The following LCORL variants were observed in gnomAD, a reference collection of about 807,000 sequenced individuals.
LCORL encodes the protein ligand dependent nuclear receptor corepressor like.
A neutral mutation model predicts 141.8 loss-of-function variants in LCORL; 41 were observed. That is an observed-to-expected ratio of 0.29 (90% CI 0.23 to 0.38). The LOEUF is 0.38. Among genes scored for constraint, LCORL ranks in the 10% least tolerant of loss-of-function variants. The probability of loss-of-function intolerance (pLI) is 1.00; values close to 1 mark genes in which losing one functional copy is unlikely to be tolerated. For synonymous variants in LCORL, 618 were observed against 694.1 expected, an observed-to-expected ratio of 0.89 and a Z score of 1.72; for missense variants, 1,759 against 2,035.0, an observed-to-expected ratio of 0.86 and a Z score of 2.61.
At chr4:17,914,581 C>G (rs989811105) in intron 4 of LCORL, among the ~76,000 whole-genome samples, 2 of 152,198 alleles carry the variant, frequency 1.3e-5, no homozygotes, top group African/African-American at 2.4e-5. Context: ...AAAGAGAATG[C>G]TTCTCAGCTG....
At chr4:18,010,414 A>G (rs903438810) in intron 1 of LCORL, among the ~76,000 whole-genome samples, 5 of 149,422 alleles carry the variant, frequency 3.3e-5, no homozygotes, top group Admixed American at 6.7e-5. Flanking sequence ...GTGTGTGTGT[A>G]TATATATATG....
At chr4:17,876,550 T>C in exon 7 of LCORL, 1 of 1,230,976 alleles carries the variant, frequency 8.1e-7, no homozygotes, top group Non-Finnish European at 1.0e-6. Flanking sequence ...TCAATGTGAA[T>C]ATTTTTCACT....
intron 4 of LCORL, among the ~76,000 whole-genome samples, chr4:17,931,236 C>T (rs1735992431): frequency 6.6e-6 from 1 of 152,122 alleles, no homozygotes; most frequent in Non-Finnish European, 1.5e-5. Context: ...ATTAGGTTAA[C>T]TAGTGGTCTA....
At chr4:17,986,384 G>T (rs1401071796) in intron 1 of LCORL, among the ~76,000 whole-genome samples, 1 of 152,140 alleles carries the variant, frequency 6.6e-6, no homozygotes, top group Non-Finnish European at 1.5e-5. Context: ...GTCCCTTCTA[G>T]GGATGCCAGT....
chr4:17,906,111 T>C (rs913153291), intron 5 of LCORL, among the ~76,000 whole-genome samples: 1 of 152,174 alleles, frequency 6.6e-6, no homozygotes, highest in African/African-American at 2.4e-5. Flanking sequence ...AAAATATTTA[T>C]AGAAAGACTG....
chr4:17,995,396 T>C (rs1481884478), intron 1 of LCORL, among the ~76,000 whole-genome samples: 1 of 152,152 alleles, frequency 6.6e-6, no homozygotes, highest in South Asian at 2.1e-4. Flanking sequence ...AGAGGCCAAC[T>C]GTGCTGCTAA....
intron 4 of LCORL, among the ~76,000 whole-genome samples, chr4:17,958,102 G>T (rs1713041690): frequency 6.6e-6 from 1 of 151,888 alleles, no homozygotes; most frequent in Admixed American, 6.6e-5. Flanking sequence ...AAAAGGGTCA[G>T]TGTTCCCAAA....
At chr4:17,961,582 G>A (rs1713790628) in intron 4 of LCORL, among the ~76,000 whole-genome samples, 1 of 151,894 alleles carries the variant, frequency 6.6e-6, no homozygotes, top group South Asian at 2.1e-4. Flanking sequence ...AAATTTTGAA[G>A]TGTTCAAGAC....
intron 5 of LCORL, among the ~76,000 whole-genome samples, chr4:17,900,571 A>G (rs1348675139): frequency 1.3e-5 from 2 of 152,152 alleles, no homozygotes; most frequent in Non-Finnish European, 2.9e-5. Context: ...TTGTAAAATT[A>G]TGGGCATGCT....
chr4:17,876,778 A>T, exon 7 of LCORL: 1 of 1,230,672 alleles, frequency 8.1e-7, no homozygotes, highest in South Asian at 4.1e-5. Flanking sequence ...CCATCTGCAG[A>T]TTTCTCCTGT....
chr4:18,011,966 T>C (rs1723879749), intron 1 of LCORL, among the ~76,000 whole-genome samples: 1 of 152,216 alleles, frequency 6.6e-6, no homozygotes, highest in South Asian at 2.1e-4. Flanking sequence ...ACATCCCTGA[T>C]CACTGTGAAC....
At chr4:17,883,153 C>A in intron 6 of LCORL, 1 of 981,698 alleles carries the variant, frequency 1.0e-6, no homozygotes, top group Non-Finnish European at 1.2e-6. Flanking sequence ...GGTGGATGCA[C>A]TTGAGTGCAT....
At chr4:17,919,992 T>TTC (rs1734039283) in intron 4 of LCORL, among the ~76,000 whole-genome samples, 1 of 152,170 alleles carries the variant, frequency 6.6e-6, no homozygotes, top group African/African-American at 2.4e-5. Flanking sequence ...AGGGAGGGCA[T>TTC]GGAAGCTCCA....
At chr4:17,919,067 A>C (rs543614830) in intron 4 of LCORL, among the ~76,000 whole-genome samples, 2 of 151,982 alleles carry the variant, frequency 1.3e-5, no homozygotes, top group Non-Finnish European at 2.9e-5. Flanking sequence ...GAAAGAAGAT[A>C]TATCACTACT....
chr4:17,852,101 A>G (rs1723795429), intron 7 of LCORL, among the ~76,000 whole-genome samples: 1 of 152,172 alleles, frequency 6.6e-6, no homozygotes, highest in Non-Finnish European at 1.5e-5. Flanking sequence ...TTTCTCAGGA[A>G]TACATTCTAA....
intron 7 of LCORL, among the ~76,000 whole-genome samples, chr4:17,846,282 C>G (rs951696042): frequency 1.3e-5 from 2 of 152,116 alleles, no homozygotes; most frequent in Non-Finnish European, 2.9e-5. Context: ...TGTTGAATGC[C>G]TATTACGTTC....
intron 4 of LCORL, among the ~76,000 whole-genome samples, chr4:17,955,336 T>C (rs1712379595): frequency 6.6e-6 from 1 of 151,792 alleles, no homozygotes; most frequent in Non-Finnish European, 1.5e-5. Context: ...TTCAGTGGAG[T>C]GGTAGGAAAG....
chr4:17,865,222 T>C (rs1410441244), intron 7 of LCORL, among the ~76,000 whole-genome samples: 7 of 152,250 alleles, frequency 4.6e-5, no homozygotes, highest in Admixed American at 3.9e-4. Context: ...CACAGAACAT[T>C]TACTTAGATT....
chr4:17,843,597 T>C, exon 8 of LCORL: 2 of 579,826 alleles, frequency 3.4e-6, no homozygotes, highest in Non-Finnish European at 5.9e-6. Flanking sequence ...GCATCAGTTA[T>C]TATAGTCCAG....
Sources: gnomAD v4.1 joint callset for allele counts (sites outside exome capture counted in the v4.1 genomes callset) on GRCh38, gnomAD v4.1.1 for gene constraint, MANE v1.5 for transcripts, NCBI Gene and HGNC (gene_info 2026-07-23, HGNC 2026-07-21) for gene names.